The following CHST3 variants were observed in gnomAD, a reference collection of about 807,000 sequenced individuals.
The protein encoded by CHST3 is carbohydrate sulfotransferase 3.
A neutral mutation model predicts 35.4 loss-of-function variants in CHST3; 20 were observed. The observed-to-expected ratio is 0.57, with a 90% CI of 0.40 to 0.82. The LOEUF (loss-of-function observed/expected upper bound fraction) is 0.82. Ranked by LOEUF, CHST3 falls within the 40% of genes least tolerant of loss-of-function variation. CHST3 has a pLI of 0.00. For missense variants in CHST3, 693 were observed against 670.1 expected, an observed-to-expected ratio of 1.03 and a Z score of -0.38; for synonymous variants, 334 against 295.9, an observed-to-expected ratio of 1.13 and a Z score of -1.32.
chr10:72,005,620 G>A, intron 1 of CHST3, 116 bp from the exon 2 acceptor site: 1 of 594,096 alleles, frequency 1.7e-6, no homozygotes, highest in South Asian at 2.0e-5. Context: ...TCTGGAGAGT[G>A]GGTCTGGGGT....
At position 72,008,708 on chromosome 10, in the gene CHST3, A is replaced by G. The variant is rs1040969706; in HGVS notation, c.*237A>G. The G allele has an allele frequency of 2.6e-6, 2 of 770,598 alleles. No individual in the cohort carries two copies. The highest frequency in any genetic ancestry group is 2.9e-5 in the East Asian group (1 of 33,944). 47.7% of individuals were successfully genotyped at this position (770,598 alleles called of 1,614,324 possible). A position where few individuals can be genotyped will look rare whatever the true frequency, so the allele number is the denominator to read the frequency against. On this transcript the variant is annotated 3_prime_UTR_variant, in exon 3 of 3. Transcript: ENST00000373115. ...AGACCCAACGGGTTGCAGCCTCCTG[A>G]GCAGGCCTAGGCAGGCCCGGGCCTG...
chr10:72,008,423 C>G lies in CHST3; in HGVS notation c.1392C>G (p.Asn464Lys). 1.3e-6 allele frequency: 2 copies of G among 1,573,252 alleles called. No individual in the cohort carries two copies. The highest frequency in any genetic ancestry group is 2.3e-5 in the South Asian group (2 of 85,800). The change falls in exon 3 of 3, where the codon AAC becomes AAG. Residue 464 changes from asparagine (N) to lysine (K), a missense_variant. Asn to Lys is a moderately conservative substitution (Grantham distance 94). Transcript: ENST00000373115. ...CGCGGGACGCCGCCGCCCTCACCAA[C>G]CGCTCAGTCAGCCTGCTGGAGGAGA... ...KLARDAAALT[N>K]RSVSLLEERG...
In CHST3 at chr10:71,964,522, C is replaced by T. The variant is rs553787475; in HGVS notation, c.-280C>T. ...CCGACCGGCCCCGCAGCGCCTCCAT[C>T]CCTCCGGCCCGCCCCGGAGAAGACG... On this transcript the variant is annotated 5_prime_UTR_variant, in exon 1 of 3. Transcript: ENST00000373115. The T allele has an allele frequency of 4.6e-5, 7 of 152,046 alleles. No individual in the cohort carries two copies. The highest frequency in any genetic ancestry group is 1.9e-4 in the East Asian group (1 of 5,156). 9.4% of individuals were successfully genotyped at this position (152,046 alleles called of 1,614,324 possible). A position where few individuals can be genotyped will look rare whatever the true frequency, so the allele number is the denominator to read the frequency against.
At chr10:71,990,884 G>T (rs1839891151) in intron 1 of CHST3, among the ~76,000 whole-genome samples, 1 of 152,340 alleles carries the variant, frequency 6.6e-6, no homozygotes, top group Non-Finnish European at 1.5e-5. Flanking sequence ...TGAACATTAT[G>T]TATTAGGACG....
chr10:71,988,863 G>C (rs1283738494), intron 1 of CHST3, among the ~76,000 whole-genome samples: 2 of 152,126 alleles, frequency 1.3e-5, no homozygotes, highest in East Asian at 3.9e-4. Flanking sequence ...TTACTCATGA[G>C]ATGAAAATGA....
rs1322633457 is a variant in CHST3 at position 72,007,554 on chromosome 10, G to A, written c.523G>A (p.Glu175Lys). ...GCACATCGAGCGCACAGTGTCCTTC[G>A]AGCCGGGGGGCGCCAACGCCGCGGG... ...LWHIERTVSF[E>K]PGGANAAGSA... The change falls in exon 3 of 3, where the codon GAG (glutamate) becomes AAG (lysine). Residue 175 changes from glutamate (E) to lysine (K), a missense_variant. Coordinates refer to ENST00000373115, the MANE Select transcript of CHST3 (RefSeq NM_004273.5). 4 of 1,606,510 alleles carry A rather than the reference G, an allele frequency of 2.5e-6. No homozygotes were observed. Among genetic ancestry groups the A allele is most frequent in the Non-Finnish European group, 2.5e-6 (3 of 1,179,760 alleles).
chr10:71,980,646 C>T (rs1316657711), intron 1 of CHST3, among the ~76,000 whole-genome samples: 1 of 152,182 alleles, frequency 6.6e-6, no homozygotes, highest in Non-Finnish European at 1.5e-5. Flanking sequence ...TGAGGATTCG[C>T]ATTTCCACCA....
chr10:71,982,686 C>T (rs1839812405), intron 1 of CHST3, among the ~76,000 whole-genome samples: 1 of 152,042 alleles, frequency 6.6e-6, no homozygotes, highest in South Asian at 2.1e-4. Flanking sequence ...GAGATTGAGG[C>T]TGCAGTGGGC....
At chr10:71,995,670 C>A (rs185450374) in intron 1 of CHST3, among the ~76,000 whole-genome samples, 2 of 151,972 alleles carry the variant, frequency 1.3e-5, no homozygotes, top group Non-Finnish European at 2.9e-5. Context: ...CAAGGAGAGG[C>A]CTGGAGAGAG....
At chr10:71,970,175 G>A (rs1420597587) in intron 1 of CHST3, among the ~76,000 whole-genome samples, 1 of 152,124 alleles carries the variant, frequency 6.6e-6, no homozygotes, top group Non-Finnish European at 1.5e-5. Context: ...AGCTTGGAGG[G>A]CAGGGTGGGC....
At position 71,978,463 on chromosome 10, in the gene CHST3, C is replaced by T. The variant is rs139672873; in HGVS notation, c.-108+13769C>T. Among the ~76,000 whole-genome samples the T allele has an allele frequency of 1.5e-4, 23 of 152,264 alleles. No homozygotes were observed. In the East Asian group the frequency reaches 3.3e-3, roughly 22 times the overall value. On this transcript the variant is annotated intron_variant, in intron 1 of 2. Coordinates refer to ENST00000373115, the MANE Select transcript of CHST3 (RefSeq NM_004273.5). ...CTAACCCCGTGCTGCCAGGCTTCCC[C>T]GGACAATATCATGAACTCAACAATC...
rs114987506 is a variant in CHST3 at position 71,965,831 on chromosome 10, C to T, written c.-108+1137C>T. ...GGGGCCTGAGTAGCTCCTAGGAGCC[C>T]TGCCTGATCTGCTTGGGCCAGTGGC... On this transcript the variant is annotated intron_variant, in intron 1 of 2. Transcript: ENST00000373115. 4.1e-3 allele frequency among the ~76,000 whole-genome samples: 620 copies of T among 152,232 alleles called. 5 individuals carry two copies. Among genetic ancestry groups the T allele is most frequent in the African/African-American group, 0.014 (565 of 41,522 alleles).
intron 1 of CHST3, among the ~76,000 whole-genome samples, chr10:71,988,356 C>T (rs1197811058): frequency 6.6e-6 from 1 of 152,188 alleles, no homozygotes; most frequent in Non-Finnish European, 1.5e-5. Flanking sequence ...ACCCAAATCT[C>T]ATGTTGAATT....
At chr10:71,999,956 G>C (rs772805508) in intron 1 of CHST3, among the ~76,000 whole-genome samples, 13 of 152,194 alleles carry the variant, frequency 8.5e-5, no homozygotes, top group Non-Finnish European at 1.5e-4. Context: ...TTACCCCACA[G>C]CTGTGAGAGG....
In CHST3 at chr10:72,007,798, A is replaced by C. The variant is rs757896210; in HGVS notation, c.767A>C (p.Asn256Thr). Residue 256 changes from asparagine (N) to threonine (T), a missense_variant, in exon 3 of 3, where the codon AAC becomes ACC. Physicochemically the swap from Asn to Thr is moderately conservative, Grantham distance 65. Transcript: ENST00000373115. ...HCKNRRCGPL[N>T]VTLAAEACRR... The stretch of plus-strand genomic sequence containing the variant: ...AAGAACCGCCGCTGCGGCCCCCTCA[A>C]CGTGACGCTGGCCGCAGAGGCCTGC... The C allele has an allele frequency of 6.2e-7, 1 of 1,601,462 alleles. No homozygotes were observed. Among genetic ancestry groups the C allele is most frequent in the African/African-American group, 1.3e-5 (1 of 74,930 alleles).
Position 71,964,999 on chromosome 10 carries a change from T to G in CHST3, c.-108+305T>G, listed in dbSNP as rs16929522. Among the ~76,000 whole-genome samples, 857 of 152,250 alleles carry G rather than the reference T, an allele frequency of 5.6e-3. 7 individuals are homozygous for G. The highest frequency in any genetic ancestry group is 0.019 in the African/African-American group (781 of 41,568). On this transcript the variant is annotated intron_variant, in intron 1 of 2. Coordinates refer to ENST00000373115, the MANE Select transcript of CHST3 (RefSeq NM_004273.5). ...CACATGCCACACACCGAAATGCACA[T>G]TCCTGGGAGCGCGGGGGATTTGGCC...
At chr10:72,006,636 G>A (rs1840041106) in intron 2 of CHST3, among the ~76,000 whole-genome samples, 1 of 152,228 alleles carries the variant, frequency 6.6e-6, no homozygotes, top group Admixed American at 6.5e-5. Flanking sequence ...CAGTGGGCCT[G>A]TTAGATGTAG....
chr10:71,969,906 G>A (rs937122073), intron 1 of CHST3, among the ~76,000 whole-genome samples: 5 of 152,240 alleles, frequency 3.3e-5, no homozygotes, highest in Non-Finnish European at 7.3e-5. Flanking sequence ...TCTGGCTTTC[G>A]TGAGGTTATG....
intron 1 of CHST3, among the ~76,000 whole-genome samples, chr10:71,997,628 C>T (rs1181007415): frequency 2.6e-5 from 4 of 151,754 alleles, no homozygotes; most frequent in African/African-American, 9.7e-5. Flanking sequence ...AAAATTCAAA[C>T]AGTGTAAAAG....
Sources: gnomAD v4.1 joint callset for allele counts (sites outside exome capture counted in the v4.1 genomes callset) on GRCh38, gnomAD v4.1.1 for gene constraint, MANE v1.5 for transcripts, NCBI Gene and HGNC (gene_info 2026-07-23, HGNC 2026-07-21) for gene names.